LAMA2: variants seen among roughly 807,000 people sequenced by gnomAD.
LAMA2 encodes the protein laminin subunit alpha 2, also known as laminin subunit alpha-2.
Under a neutral mutation model 364.8 loss-of-function variants are expected in LAMA2, and 269 were observed. The ratio of observed to expected loss-of-function variants is 0.74; its 90% confidence interval spans 0.67 to 0.82. LAMA2 has a LOEUF of 0.82. Ranked by LOEUF, LAMA2 falls within the 40% of genes least tolerant of loss-of-function variation. LAMA2 has a pLI of 0.00. For missense variants in LAMA2, 3,807 were observed against 3,873.2 expected, an observed-to-expected ratio of 0.98 and a Z score of 0.45; for synonymous variants, 1,379 against 1,370.6, an observed-to-expected ratio of 1.01 and a Z score of -0.14.
intron 27 of LAMA2, among the ~76,000 whole-genome samples, chr6:129,317,869 A>G (rs967044591): frequency 6.6e-6 from 1 of 150,684 alleles, no homozygotes; most frequent in African/African-American, 2.4e-5. Context: ...TCTCACACCA[A>G]TTTCACCTTC....
intron 40 of LAMA2, among the ~76,000 whole-genome samples, chr6:129,419,471 A>G (rs1260323857): frequency 1.3e-5 from 2 of 152,144 alleles, no homozygotes; most frequent in African/African-American, 4.8e-5. Flanking sequence ...TCTTTGTGGT[A>G]TGGGCCCACC....
rs1784136856 is a variant in LAMA2 at position 129,477,679 on chromosome 6, T to A, written c.7452-1014T>A. ...TCATTTTTCAATTTTATTGAAAAAATAAAATGTATGGGTTTTTGCATTTGG... is the reference window on the plus strand; with the variant it reads ...TCATTTTTCAATTTTATTGAAAAAAAAAAATGTATGGGTTTTTGCATTTGG... On this transcript the variant is annotated intron_variant, in intron 53 of 64. Coordinates refer to ENST00000421865, the MANE Select transcript of LAMA2 (RefSeq NM_000426.4). Among the ~76,000 whole-genome samples, 4 of 150,774 alleles carry A rather than the reference T, an allele frequency of 2.7e-5. No individual in the cohort carries two copies. In the South Asian group the frequency reaches 8.4e-4, roughly 32 times the overall value.
In LAMA2 at chr6:129,314,795, G is replaced by T; in HGVS notation, c.3552G>T (p.Thr1184=). 6.2e-7 allele frequency: 1 copy of T among 1,614,042 alleles called. No individual in the cohort carries two copies. The highest frequency in any genetic ancestry group is 8.5e-7 in the Non-Finnish European group (1 of 1,179,986). Residue 1184 remains threonine (T), a synonymous_variant, in exon 24 of 65, where the codon ACG becomes ACT. Coordinates refer to ENST00000421865, the MANE Select transcript of LAMA2 (RefSeq NM_000426.4). ...QCSEAKGLIR[T]WVTLKAEQTI... Reference sequence around the variant, plus strand: ...CTGAAGCAAAAGGACTGATCCGGACGTGGGTGAGTAGGGAACTGCTGAGCC... The same window carrying T: ...CTGAAGCAAAAGGACTGATCCGGACTTGGGTGAGTAGGGAACTGCTGAGCC...
chr6:129,137,755 T>C (rs997141674), intron 4 of LAMA2, among the ~76,000 whole-genome samples: 14 of 152,160 alleles, frequency 9.2e-5, no homozygotes, highest in Non-Finnish European at 1.5e-4. Context: ...GGGACTGCTA[T>C]TGATATGTTC....
intron 35 of LAMA2, among the ~76,000 whole-genome samples, chr6:129,386,546 A>G (rs1426254116): frequency 6.6e-6 from 1 of 152,176 alleles, no homozygotes; most frequent in Non-Finnish European, 1.5e-5. Context: ...TAGAAAAATA[A>G]TGGAAATAAA....
chr6:129,028,148 T>C (rs1346877936), intron 1 of LAMA2, among the ~76,000 whole-genome samples: 1 of 151,832 alleles, frequency 6.6e-6, no homozygotes, highest in Non-Finnish European at 1.5e-5. Flanking sequence ...GTTTAAAAGC[T>C]AAAAGAGAAG....
chr6:129,320,412 A>G (rs910489711), intron 27 of LAMA2, 126 bp from the exon 28 acceptor site: 2 of 742,820 alleles, frequency 2.7e-6, no homozygotes, highest in Non-Finnish European at 4.9e-6. Flanking sequence ...ATTAAAAACA[A>G]AAAGACAATA....
intron 63 of LAMA2, among the ~76,000 whole-genome samples, chr6:129,513,932 A>G (rs1786809596): frequency 6.6e-6 from 1 of 152,230 alleles, no homozygotes; most frequent in Non-Finnish European, 1.5e-5. Flanking sequence ...TAAAATTTAA[A>G]AAATCCTTTA....
intron 1 of LAMA2, among the ~76,000 whole-genome samples, chr6:128,930,425 C>G (rs13212294): frequency 6.6e-6 from 1 of 152,190 alleles, no homozygotes; most frequent in Admixed American, 6.5e-5. Context: ...GTGAACAGAA[C>G]TGACATGCTT....
intron 1 of LAMA2, among the ~76,000 whole-genome samples, chr6:129,008,777 C>T (rs1784584124): frequency 6.6e-6 from 1 of 152,156 alleles, no homozygotes; most frequent in Admixed American, 6.6e-5. Context: ...TTGCCAGGAA[C>T]TTTGGCAGGA....
intron 1 of LAMA2, 24 bp from the exon 2 acceptor site, chr6:129,049,894 C>T: frequency 6.2e-7 from 1 of 1,606,904 alleles, no homozygotes; most frequent in Non-Finnish European, 8.5e-7. Flanking sequence ...GGTCTACACA[C>T]CTTCATTTGT....
intron 3 of LAMA2, among the ~76,000 whole-genome samples, chr6:129,068,663 C>T (rs1037848287): frequency 1.1e-4 from 16 of 152,260 alleles, no homozygotes; most frequent in South Asian, 2.1e-4. Context: ...CTATAGAAAG[C>T]GTGAAGTAAA....
intron 44 of LAMA2, among the ~76,000 whole-genome samples, chr6:129,445,195 C>T (rs538171830): frequency 1.3e-5 from 2 of 152,196 alleles, no homozygotes; most frequent in African/African-American, 2.4e-5. Flanking sequence ...GATAGCTTCT[C>T]TCTTTAAGAT....
At chr6:129,215,741 T>C (rs1372857795) in intron 12 of LAMA2, among the ~76,000 whole-genome samples, 1 of 152,146 alleles carries the variant, frequency 6.6e-6, no homozygotes, top group African/African-American at 2.4e-5. Context: ...CTTCTTAGAG[T>C]TATCATGATT....
intron 18 of LAMA2, among the ~76,000 whole-genome samples, chr6:129,283,167 G>T (rs142770478): frequency 1.3e-5 from 2 of 152,016 alleles, no homozygotes; most frequent in African/African-American, 4.8e-5. Flanking sequence ...AGGGGAGAAG[G>T]TATTCATGAT....
chr6:129,159,071 A>G, intron 8 of LAMA2: 2 of 1,580,560 alleles, frequency 1.3e-6, no homozygotes, highest in South Asian at 2.2e-5. Context: ...ACGAGAAATG[A>G]TGAACAAATA....
At chr6:129,390,473 A>G (rs750795090) in intron 35 of LAMA2, among the ~76,000 whole-genome samples, 2 of 152,168 alleles carry the variant, frequency 1.3e-5, no homozygotes, top group South Asian at 2.1e-4. Flanking sequence ...AGGAATCTCT[A>G]TGTCATAAGG....
intron 35 of LAMA2, among the ~76,000 whole-genome samples, chr6:129,387,598 A>T (rs530133951): frequency 6.6e-6 from 1 of 152,354 alleles, no homozygotes; most frequent in Admixed American, 6.5e-5. Context: ...CTAAAGACAC[A>T]TATACAGTAT....
intron 14 of LAMA2, among the ~76,000 whole-genome samples, chr6:129,253,905 T>C (rs1786445654): frequency 6.6e-6 from 1 of 152,206 alleles, no homozygotes; most frequent in African/African-American, 2.4e-5. Flanking sequence ...AGGTGGCTAC[T>C]TTCTGTCACC....
Sources: gnomAD v4.1 joint callset for allele counts (sites outside exome capture counted in the v4.1 genomes callset) on GRCh38, gnomAD v4.1.1 for gene constraint, MANE v1.5 for transcripts, NCBI Gene and HGNC (gene_info 2026-07-23, HGNC 2026-07-21) for gene names.